The following TMEM237 variants were observed in gnomAD, a reference collection of about 807,000 sequenced individuals.
TMEM237 encodes transmembrane protein 237.
TMEM237 carries 51 observed loss-of-function variants against 59.1 expected under a neutral mutation model. The observed-to-expected ratio is 0.86, with a 90% CI of 0.69 to 1.09. The LOEUF (loss-of-function observed/expected upper bound fraction) is 1.09, where lower values mean the gene tolerates loss of function less well. Ranked by LOEUF, TMEM237 falls within the 50% of genes least tolerant of loss-of-function variation. The pLI is 0.00. For synonymous variants in TMEM237, 140 were observed against 166.1 expected, an observed-to-expected ratio of 0.84 and a Z score of 1.21; for missense variants, 475 against 478.3, an observed-to-expected ratio of 0.99 and a Z score of 0.06.
intron 12 of TMEM237, 55 bp from the exon 13 acceptor site, chr2:201,624,377 A>G (rs2105896459): frequency 7.6e-7 from 1 of 1,314,884 alleles, no homozygotes; most frequent in African/African-American, 1.5e-5. Flanking sequence ...TACCTCCAAC[A>G]GAGTTGTATA....
chr2:201,638,673 T>A, intron 4 of TMEM237: 1 of 308,454 alleles, frequency 3.2e-6, no homozygotes, highest in Non-Finnish European at 5.9e-6. Context: ...GGGTCTGGAA[T>A]CAATCATAGC....
chr2:201,638,663 G>A, intron 4 of TMEM237: 2 of 268,246 alleles, frequency 7.5e-6, no homozygotes, highest in Non-Finnish European at 1.4e-5. Context: ...TCTTGTTCAA[G>A]GGTCTGGAAT....
intron 4 of TMEM237, 42 bp downstream of exon 4, chr2:201,638,947 G>T (rs756870947): frequency 5.4e-5 from 84 of 1,546,584 alleles, no homozygotes; most frequent in Non-Finnish European, 6.8e-5. Context: ...CTGAGGTCCT[G>T]GGAAAACTTG....
rs909810162 is a variant in TMEM237, at chr2:201,627,235, T to C, written c.1037+86A>G. 42 of 917,296 alleles carry C rather than the reference T, an allele frequency of 4.6e-5. No individual in the cohort carries two copies. The Admixed American group carries it at 9.4e-4, about 21-fold the overall frequency. 56.8% of individuals were successfully genotyped at this position (917,296 alleles called of 1,614,324 possible). A position where few individuals can be genotyped will look rare whatever the true frequency, so the allele number is the denominator to read the frequency against. On this transcript the variant is annotated intron_variant, in intron 11 of 12. Transcript: ENST00000409883. The stretch of plus-strand genomic sequence containing the variant: ...TTTGGAAACAAAAACAGAGCCTTCA[T>C]TATTTGCAGTTGAAAAAGAATGGAA...
At chr2:201,630,363 A>G (rs954500401) in intron 7 of TMEM237, among the ~76,000 whole-genome samples, 3 of 152,228 alleles carry the variant, frequency 2.0e-5, no homozygotes, top group Non-Finnish European at 2.9e-5. Context: ...TCTCTTTAGA[A>G]CATTCCTGTG....
In TMEM237 at chr2:201,621,720, G is replaced by A. The variant is rs1398565819; in HGVS notation, c.*2535C>T. 1 of 152,666 alleles carries A rather than the reference G, an allele frequency of 6.6e-6. No individual in the cohort carries two copies. Among genetic ancestry groups the A allele is most frequent in the Non-Finnish European group, 1.5e-5 (1 of 68,054 alleles). The allele number at this position is 152,666 out of a possible 1,614,324, so 9.5% of individuals were successfully genotyped here. A position where few individuals can be genotyped will look rare whatever the true frequency, so the allele number is the denominator to read the frequency against. On this transcript the variant is annotated 3_prime_UTR_variant, in exon 13 of 13. Coordinates refer to ENST00000409883, the MANE Select transcript of TMEM237 (RefSeq NM_001044385.3). ...GCCCCTGTGTTATCTACCCAGTGCA[G>A]TGCTTCACCAGGATGGCAATAAAAG...
rs1335158304 is a variant in TMEM237, at chr2:201,626,102, C to T, written c.1083G>A (p.Val361=). Residue 361 remains valine (V), a synonymous_variant, in exon 12 of 13, where the codon GTG becomes GTA. Transcript: ENST00000409883. ...CAACCAGAAGAGCCACCACGAGATTCACCACAATCCATGGCTGGAGAATCT... is the reference window on the plus strand; with the variant it reads ...CAACCAGAAGAGCCACCACGAGATTTACCACAATCCATGGCTGGAGAATCT... ...EEQILQPWIV[V]NLVVALLVGL... 1.2e-6 allele frequency: 2 copies of T among 1,610,240 alleles called. No homozygotes were observed. Among genetic ancestry groups the T allele is most frequent in the South Asian group, 2.2e-5 (2 of 89,990 alleles).
intron 11 of TMEM237, 42 bp from the exon 12 acceptor site, chr2:201,626,189 G>A (rs543786476): frequency 1.9e-6 from 3 of 1,590,302 alleles, no homozygotes; most frequent in Non-Finnish European, 2.6e-6. Flanking sequence ...CTTCAGTTTG[G>A]TTCATATACA....
rs903788787 is a variant in TMEM237 at position 201,635,663 on chromosome 2, G to C, written c.274+1085C>G. ...TGTAATCCCAGCTACTCAGGAGGCC[G>C]AGGCAGGAGAATCGCTTGTACCCGG... On this transcript the variant is annotated intron_variant, in intron 5 of 12. Transcript: ENST00000409883. This position sits in a 1 kb window ranked among gnomAD's most constrained non-coding sequence, Gnocchi z 4.5. Among the ~76,000 whole-genome samples, 2 of 151,974 alleles carry C rather than the reference G, an allele frequency of 1.3e-5. No homozygotes were observed. Among genetic ancestry groups the C allele is most frequent in the Non-Finnish European group, 2.9e-5 (2 of 68,008 alleles).
Position 201,643,077 on chromosome 2 carries a change from G to T in TMEM237, c.42+282C>A. 9.1e-7 allele frequency: 1 copy of T among 1,099,188 alleles called. No homozygotes were observed. The highest frequency in any genetic ancestry group is 1.2e-6 in the Non-Finnish European group (1 of 831,274). The allele number at this position is 1,099,188 out of a possible 1,614,324, so 68.1% of individuals were successfully genotyped here. ...AGCCCCGGCACCCGCCGGGCCCCGGGCCTCAGATGAGTGAGGCGTCGTCGT... is the reference window on the plus strand; with the variant it reads ...AGCCCCGGCACCCGCCGGGCCCCGGTCCTCAGATGAGTGAGGCGTCGTCGT... On this transcript the variant is annotated intron_variant, in intron 1 of 12. Transcript: ENST00000409883. This position sits in a 1 kb window ranked among gnomAD's most constrained non-coding sequence, Gnocchi z 4.3.
intron 4 of TMEM237, chr2:201,638,373 AGGGCTGG>A (rs1274967302): frequency 6.6e-6 from 1 of 152,240 alleles, no homozygotes; most frequent in Non-Finnish European, 1.5e-5. Context: ...TTCAGGCCTG[AGGGCTGG>A]GAAAATGGTA....
chr2:201,631,107 C>A (rs527843953), intron 7 of TMEM237: 1 of 152,212 alleles, frequency 6.6e-6, no homozygotes, highest in East Asian at 1.9e-4. Flanking sequence ...GCCCTAACCC[C>A]CCAGTGAGTG....
intron 3 of TMEM237, among the ~76,000 whole-genome samples, chr2:201,639,752 C>G (rs535250591): frequency 2.6e-5 from 4 of 152,080 alleles, no homozygotes; most frequent in Non-Finnish European, 5.9e-5. Flanking sequence ...GCCGAGATCA[C>G]ACCACTGCAC....
intron 3 of TMEM237, among the ~76,000 whole-genome samples, chr2:201,639,829 C>G (rs1687378907): frequency 6.6e-6 from 1 of 152,054 alleles, no homozygotes; most frequent in African/African-American, 2.4e-5. Context: ...GCCTAGATTG[C>G]TATATCAATA....
chr2:201,629,208 G>A lies in TMEM237; in HGVS notation c.869+22C>T, dbSNP rs140917828. ...CATTTCCTCCTGAAGAAGTTAGACA[G>A]ATCTGGAGTCATAGGCATTACCTGT... On this transcript the variant is annotated intron_variant, in intron 9 of 12. Coordinates refer to ENST00000409883, the MANE Select transcript of TMEM237 (RefSeq NM_001044385.3). 3.9e-4 allele frequency: 594 copies of A among 1,510,100 alleles called. 3 individuals are homozygous for A. In the East Asian group the frequency reaches 0.012, roughly 31 times the overall value. The allele number at this position is 1,510,100 out of a possible 1,614,324, so 93.5% of individuals were successfully genotyped here.
At chr2:201,637,875 T>C (rs1294434848) in intron 4 of TMEM237, among the ~76,000 whole-genome samples, 3 of 152,024 alleles carry the variant, frequency 2.0e-5, no homozygotes, top group African/African-American at 4.8e-5. Context: ...ATTTTAAAGA[T>C]TGATTATTGT....
At chr2:201,642,920 G>A (rs1687459950) in intron 1 of TMEM237, 1 of 1,332,616 alleles carries the variant, frequency 7.5e-7, no homozygotes, top group Non-Finnish European at 9.5e-7. Context: ...TTTCCTAAGT[G>A]GTGGCGGTGA....
rs915439775 is a variant in TMEM237 at position 201,627,993 on chromosome 2, TA to T, written c.943+82del. On this transcript the variant is annotated intron_variant, in intron 10 of 12. Coordinates refer to ENST00000409883, the MANE Select transcript of TMEM237 (RefSeq NM_001044385.3). ...TTATAAGGAGCAGTAATACAACTTT[TA>T]AAAAAAATTATATTTATCCTGGTTC... 180 of 1,034,090 alleles carry T rather than the reference TA, an allele frequency of 1.7e-4. No homozygotes were observed. In the African/African-American group the frequency reaches 1.9e-3, roughly 11 times the overall value. 64.1% of individuals were successfully genotyped at this position (1,034,090 alleles called of 1,614,324 possible). A position where few individuals can be genotyped will look rare whatever the true frequency, so the allele number is the denominator to read the frequency against.
At position 201,643,016 on chromosome 2, in the gene TMEM237, C is replaced by T; in HGVS notation, c.42+343G>A. On this transcript the variant is annotated intron_variant, in intron 1 of 12. Transcript: ENST00000409883. This position sits in a 1 kb window ranked among gnomAD's most constrained non-coding sequence, Gnocchi z 4.3. ...AGATCTCTTCTGGGCAGCTACAGAC[C>T]TCTCCTCGGAGGAGTCTAGGAGAGG... is the stretch of plus-strand genomic sequence containing the variant. 1 of 1,290,706 alleles carries T rather than the reference C, an allele frequency of 7.7e-7. No individual in the cohort carries two copies. Among genetic ancestry groups the T allele is most frequent in the South Asian group, 2.1e-5 (1 of 47,426 alleles). 80.0% of individuals were successfully genotyped at this position (1,290,706 alleles called of 1,614,324 possible).
Sources: gnomAD v4.1 joint callset for allele counts (sites outside exome capture counted in the v4.1 genomes callset) on GRCh38, gnomAD v4.1.1 for gene constraint, Gnocchi (gnomAD v3.1) non-coding constraint, MANE v1.5 for transcripts, NCBI Gene and HGNC (gene_info 2026-07-23, HGNC 2026-07-21) for gene names.